The following FDX1 variants were observed in gnomAD, a reference collection of about 807,000 sequenced individuals.
FDX1 encodes adrenodoxin, mitochondrial.
Under a neutral mutation model 14.9 loss-of-function variants are expected in FDX1, and 9 were observed. The observed-to-expected ratio is 0.60, with a 90% confidence interval of 0.36 to 1.05. The LOEUF (loss-of-function observed/expected upper bound fraction) is 1.05, where lower values mean the gene tolerates loss of function less well. Among genes scored for constraint, FDX1 ranks in the 50% least tolerant of loss-of-function variants. FDX1 has a pLI of 0.01. For missense variants in FDX1, 204 were observed against 237.2 expected (o/e 0.86, Z 0.92); for synonymous variants, 92 against 99.4 (o/e 0.93, Z 0.44).
chr11:110,446,124 A>T (rs1946448462), intron 2 of FDX1, among the ~76,000 whole-genome samples: 1 of 152,256 alleles, frequency 6.6e-6, no homozygotes, highest in African/African-American at 2.4e-5. Context: ...GCTTGAGATA[A>T]GTAAGCTAAA....
chr11:110,432,927 A>T (rs1490828976), intron 1 of FDX1, among the ~76,000 whole-genome samples: 3 of 152,246 alleles, frequency 2.0e-5, no homozygotes, highest in African/African-American at 7.2e-5. Flanking sequence ...ACAGACCAAC[A>T]GGTTGGGCTT....
intron 1 of FDX1, among the ~76,000 whole-genome samples, chr11:110,432,578 C>T (rs542682749): frequency 3.6e-4 from 54 of 152,090 alleles, no homozygotes; most frequent in South Asian, 1.2e-3. Flanking sequence ...AAGCGATTCT[C>T]GTGCCTCAGC....
At chr11:110,449,499 A>G (rs1412731427) in intron 2 of FDX1, among the ~76,000 whole-genome samples, 1 of 152,226 alleles carries the variant, frequency 6.6e-6, no homozygotes, top group African/African-American at 2.4e-5. Context: ...TAAGCTAATA[A>G]ACATATCCTT....
intron 2 of FDX1, among the ~76,000 whole-genome samples, chr11:110,446,473 C>T (rs1220434154): frequency 6.6e-6 from 1 of 152,162 alleles, no homozygotes; most frequent in Non-Finnish European, 1.5e-5. Context: ...TAGCTCAGAC[C>T]TCTCCTCTGA....
At chr11:110,447,273 C>CAAAAAAA (rs541827807) in intron 2 of FDX1, among the ~76,000 whole-genome samples, 10 of 75,754 alleles carry the variant, frequency 1.3e-4, no homozygotes, top group Middle Eastern at 0.011. Context: ...ACTAAAAATA[C>CAAAAAAA]AAAAAAAAAA....
chr11:110,435,754 C>A, intron 1 of FDX1, 80 bp from the exon 2 acceptor site: 7 of 1,079,272 alleles, frequency 6.5e-6, no homozygotes, highest in Non-Finnish European at 9.3e-6. Context: ...ACTCTGGAGG[C>A]CTTATAGGCT....
chr11:110,451,864 C>G (rs543380274), intron 2 of FDX1, among the ~76,000 whole-genome samples: 1 of 152,182 alleles, frequency 6.6e-6, no homozygotes, highest in South Asian at 2.1e-4. Flanking sequence ...TTCTCACTTA[C>G]GTATACCACA....
rs1946319011 is a variant in FDX1, at chr11:110,430,083, C to T, written c.-38C>T. The stretch of plus-strand genomic sequence containing the variant: ...TGGAGTCTCTCGCGGCCTCAAAGCG[C>T]GGCCTGCGTCGCTTCCGGCAGTTCC... On this transcript the variant is annotated 5_prime_UTR_variant, in exon 1 of 4. Transcript: ENST00000260270. 1.7e-6 allele frequency: 2 copies of T among 1,210,044 alleles called. No individual in the cohort carries two copies. The highest frequency in any genetic ancestry group is 2.1e-6 in the Non-Finnish European group (2 of 972,782). The allele number at this position is 1,210,044 out of a possible 1,614,324, so 75.0% of individuals were successfully genotyped here.
chr11:110,444,701 TATAC>T (rs1195634205), intron 2 of FDX1, among the ~76,000 whole-genome samples: 3 of 65,794 alleles, frequency 4.6e-5, no homozygotes, highest in South Asian at 4.0e-4. Flanking sequence ...TATATATATA[TATAC>T]GTATATATAT....
chr11:110,430,927 T>C (rs951974948), intron 1 of FDX1, among the ~76,000 whole-genome samples: 1 of 152,248 alleles, frequency 6.6e-6, no homozygotes, highest in South Asian at 2.1e-4. Flanking sequence ...TTGGCACTGA[T>C]TGTCTGACGT....
At chr11:110,434,094 A>T (rs1364091095) in intron 1 of FDX1, among the ~76,000 whole-genome samples, 2 of 152,122 alleles carry the variant, frequency 1.3e-5, no homozygotes, top group African/African-American at 4.8e-5. Context: ...TTTTGGAGGG[A>T]TGTTTGTGAG....
At chr11:110,454,657 A>G (rs1946510714) in intron 2 of FDX1, among the ~76,000 whole-genome samples, 1 of 152,182 alleles carries the variant, frequency 6.6e-6, no homozygotes, top group East Asian at 1.9e-4. Flanking sequence ...GGATAATAAT[A>G]ATAATGTTTA....
intron 3 of FDX1, among the ~76,000 whole-genome samples, chr11:110,457,527 A>G (rs1345830352): frequency 1.3e-5 from 2 of 152,266 alleles, no homozygotes; most frequent in East Asian, 3.9e-4. Flanking sequence ...ATTAATTAAT[A>G]GTTACTCTTA....
intron 2 of FDX1, among the ~76,000 whole-genome samples, chr11:110,436,976 T>C (rs966432585): frequency 1.3e-5 from 2 of 152,150 alleles, no homozygotes; most frequent in African/African-American, 2.4e-5. Context: ...GAGTTGGCAC[T>C]CAATAATATT....
chr11:110,441,258 G>A lies in FDX1; in HGVS notation c.310+5300G>A, dbSNP rs111753051. Among the ~76,000 whole-genome samples, 404 of 152,296 alleles carry A rather than the reference G, an allele frequency of 2.7e-3. 2 individuals carry two copies. The highest frequency in any genetic ancestry group is 4.7e-3 in the Non-Finnish European group (322 of 68,022). ...ATGGACTAATAAAGCAAATTGGTAC[G>A]AGGAGTAGGGTGCTGCTGAAAAGAT... is the stretch of plus-strand genomic sequence containing the variant. On this transcript the variant is annotated intron_variant, in intron 2 of 3. Transcript: ENST00000260270.
In FDX1 at chr11:110,463,321, GC is replaced by G. The variant is rs2134696742; in HGVS notation, c.*857del. ...AATGAGCAGGCTGACACGTTGCACA[GC>G]CCCAGGTGGCGCCATTCTCTCACGC... On this transcript the variant is annotated 3_prime_UTR_variant, in exon 4 of 4. Coordinates refer to ENST00000260270, the MANE Select transcript of FDX1 (RefSeq NM_004109.5). 6.6e-6 allele frequency: 1 copy of G among 152,380 alleles called. No individual in the cohort carries two copies. Among genetic ancestry groups the G allele is most frequent in the East Asian group, 1.9e-4 (1 of 5,196 alleles). 9.4% of individuals were successfully genotyped at this position (152,380 alleles called of 1,614,324 possible). A position where few individuals can be genotyped will look rare whatever the true frequency, so the allele number is the denominator to read the frequency against.
chr11:110,450,679 C>G (rs1946480524), intron 2 of FDX1, among the ~76,000 whole-genome samples: 1 of 152,076 alleles, frequency 6.6e-6, no homozygotes, highest in Admixed American at 6.6e-5. Flanking sequence ...TTTAGGAATC[C>G]ACTTTTCTAT....
chr11:110,447,285 A>C (rs979586718), intron 2 of FDX1, among the ~76,000 whole-genome samples: 18 of 76,584 alleles, frequency 2.4e-4, no homozygotes, highest in Middle Eastern at 5.5e-3. Flanking sequence ...AAAAAAAAAA[A>C]AAAAAAAAAA....
At chr11:110,459,605 A>G (rs905598011) in intron 3 of FDX1, among the ~76,000 whole-genome samples, 4 of 152,192 alleles carry the variant, frequency 2.6e-5, no homozygotes, top group African/African-American at 4.8e-5. Context: ...AAACCCTAGA[A>G]CTAAAGTAAA....
Sources: gnomAD v4.1 joint callset for allele counts (sites outside exome capture counted in the v4.1 genomes callset) on GRCh38, gnomAD v4.1.1 for gene constraint, MANE v1.5 for transcripts, NCBI Gene and HGNC (gene_info 2026-07-23, HGNC 2026-07-21) for gene names.